The following CMIP variants were observed in gnomAD, a reference collection of about 807,000 sequenced individuals.
CMIP encodes the protein C-Maf-inducing protein.
A neutral mutation model predicts 97.3 loss-of-function variants in CMIP; 13 were observed. The ratio of observed to expected loss-of-function variants is 0.13; its 90% CI spans 0.09 to 0.21. The LOEUF (loss-of-function observed/expected upper bound fraction) is 0.21, where lower values mean the gene tolerates loss of function less well. Ranked by LOEUF, CMIP falls within the 10% of genes least tolerant of loss-of-function variation. The probability of loss-of-function intolerance (pLI) is 1.00; values close to 1 mark genes in which losing one functional copy is unlikely to be tolerated. For synonymous variants in CMIP, 538 were observed against 436.3 expected, an observed-to-expected ratio of 1.23 and a Z score of -2.91; for missense variants, 847 against 1,024.9, an observed-to-expected ratio of 0.83 and a Z score of 2.37.
chr16:81,491,507 A>G (rs1423641056), intron 1 of CMIP, among the ~76,000 whole-genome samples: 1 of 152,176 alleles, frequency 6.6e-6, no homozygotes. Context: ...CCTTTATTTA[A>G]TTGCAAAAAC....
intron 2 of CMIP, chr16:81,610,322 C>T (rs758444871): frequency 5.3e-5 from 52 of 985,500 alleles, no homozygotes; most frequent in Non-Finnish European, 5.9e-5. Context: ...GCTGAGGAGC[C>T]GAGCGGGCGG....
At chr16:81,496,517 C>G (rs1486347424) in intron 1 of CMIP, among the ~76,000 whole-genome samples, 1 of 152,228 alleles carries the variant, frequency 6.6e-6, no homozygotes, top group Non-Finnish European at 1.5e-5. Flanking sequence ...AGGATCAAAT[C>G]AGATTTATGG....
At chr16:81,600,056 G>A (rs1597132853) in intron 1 of CMIP, among the ~76,000 whole-genome samples, 1 of 152,044 alleles carries the variant, frequency 6.6e-6, no homozygotes, top group South Asian at 2.1e-4. Flanking sequence ...AGAGGTGGGT[G>A]GATCACAAGG....
At chr16:81,709,092 A>G (rs1597285019) in intron 20 of CMIP, among the ~76,000 whole-genome samples, 1 of 152,280 alleles carries the variant, frequency 6.6e-6, no homozygotes, top group Non-Finnish European at 1.5e-5. Context: ...CAGAAACAGA[A>G]AGCAGAAAAC....
At chr16:81,451,791 G>A (rs1292522393) in intron 1 of CMIP, among the ~76,000 whole-genome samples, 5 of 152,204 alleles carry the variant, frequency 3.3e-5, no homozygotes, top group East Asian at 3.9e-4. Context: ...TGAGGGCATT[G>A]CTTTTTGTTC....
intron 1 of CMIP, among the ~76,000 whole-genome samples, chr16:81,530,736 A>G (rs543186841): frequency 6.6e-6 from 1 of 152,300 alleles, no homozygotes; most frequent in African/African-American, 2.4e-5. Flanking sequence ...ACCGAGTGTC[A>G]GAGCTTCGAG....
chr16:81,514,329 T>A (rs2089869864), intron 1 of CMIP, among the ~76,000 whole-genome samples: 1 of 151,918 alleles, frequency 6.6e-6, no homozygotes, highest in South Asian at 2.1e-4. Flanking sequence ...AGGATCAGGG[T>A]GAGGGAAGCT....
chr16:81,557,728 T>C (rs1450536913), intron 1 of CMIP, among the ~76,000 whole-genome samples: 1 of 152,184 alleles, frequency 6.6e-6, no homozygotes, highest in East Asian at 1.9e-4. Context: ...ATGTTGCTAC[T>C]CCACTCCAGC....
intron 1 of CMIP, among the ~76,000 whole-genome samples, chr16:81,524,185 C>G (rs1234371899): frequency 6.6e-6 from 1 of 152,192 alleles, no homozygotes; most frequent in South Asian, 2.1e-4. Context: ...CGATCCATTG[C>G]TTATAAAGGA....
At chr16:81,628,292 C>T (rs2092102608) in intron 3 of CMIP, among the ~76,000 whole-genome samples, 1 of 152,194 alleles carries the variant, frequency 6.6e-6, no homozygotes, top group African/African-American at 2.4e-5. Flanking sequence ...GCTTTCTCCA[C>T]CAGGCTGCAA....
In CMIP at chr16:81,504,497, G is replaced by A. The variant is rs8049528; in HGVS notation, c.300+58956G>A. ...GTCTCTACTAAAAATACAAAAATTA[G>A]CCGGGTGTAGTAGTGGGTGCCAGTA... On this transcript the variant is annotated intron_variant, in intron 1 of 20. Coordinates refer to ENST00000537098, the MANE Select transcript of CMIP (RefSeq NM_198390.3). 3.7e-3 allele frequency among the ~76,000 whole-genome samples: 555 copies of A among 151,670 alleles called. 5 individuals carry two copies. The highest frequency in any genetic ancestry group is 0.012 in the African/African-American group (515 of 41,322).
intron 10 of CMIP, among the ~76,000 whole-genome samples, chr16:81,683,422 A>G (rs1195095564): frequency 6.6e-6 from 1 of 152,184 alleles, no homozygotes; most frequent in East Asian, 1.9e-4. Context: ...ACTGGGAGGC[A>G]GGGCCAGGGG....
intron 10 of CMIP, among the ~76,000 whole-genome samples, chr16:81,680,120 C>G (rs888666568): frequency 6.6e-6 from 1 of 152,198 alleles, no homozygotes; most frequent in Non-Finnish European, 1.5e-5. Context: ...TGGTGCCTGT[C>G]TAGAGCCAGG....
rs1277504166 is a variant in CMIP, at chr16:81,621,574, C to T, written c.477+648C>T. On this transcript the variant is annotated intron_variant, in intron 3 of 20. Coordinates refer to ENST00000537098, the MANE Select transcript of CMIP (RefSeq NM_198390.3). This position sits in a 1 kb window ranked among gnomAD's most constrained non-coding sequence, Gnocchi z 4.1. ...GACCAGGGCGTGAAGCACGTACAGT[C>T]AGCTTCTCATTCCTGCCCTGCCTCC... is the stretch of plus-strand genomic sequence containing the variant. 1 of 152,856 alleles carries T rather than the reference C, an allele frequency of 6.5e-6. No homozygotes were observed. The highest frequency in any genetic ancestry group is 6.5e-5 in the Admixed American group (1 of 15,310). 9.5% of individuals were successfully genotyped at this position (152,856 alleles called of 1,614,324 possible).
intron 3 of CMIP, chr16:81,645,803 T>A (rs1427600081): frequency 1.1e-5 from 7 of 609,312 alleles, no homozygotes. Context: ...CAATCAGAGC[T>A]GCTGTTTAGC....
intron 16 of CMIP, among the ~76,000 whole-genome samples, chr16:81,702,003 A>T (rs1451633371): frequency 6.6e-6 from 1 of 152,190 alleles, no homozygotes; most frequent in Non-Finnish European, 1.5e-5. Context: ...CACACAGCTC[A>T]TTGGGGCCTG....
intron 1 of CMIP, among the ~76,000 whole-genome samples, chr16:81,523,438 A>C (rs2150810400): frequency 6.6e-6 from 1 of 152,314 alleles, no homozygotes; most frequent in African/African-American, 2.4e-5. Context: ...TGGGGCCCAC[A>C]GTCACACGGC....
At chr16:81,500,625 A>C (rs2150777805) in intron 1 of CMIP, among the ~76,000 whole-genome samples, 1 of 151,570 alleles carries the variant, frequency 6.6e-6, no homozygotes, top group African/African-American at 2.4e-5. Flanking sequence ...AGTAGCTGGG[A>C]CTACAGGCGC....
chr16:81,629,017 T>C (rs1177743098), intron 3 of CMIP, among the ~76,000 whole-genome samples: 1 of 151,072 alleles, frequency 6.6e-6, no homozygotes, highest in African/African-American at 2.4e-5. Flanking sequence ...AGGCCTATAG[T>C]CCCAGCTACT....
Sources: gnomAD v4.1 joint callset for allele counts (sites outside exome capture counted in the v4.1 genomes callset) on GRCh38, gnomAD v4.1.1 for gene constraint, Gnocchi (gnomAD v3.1) non-coding constraint, MANE v1.5 for transcripts, NCBI Gene and HGNC (gene_info 2026-07-23, HGNC 2026-07-21) for gene names.